The following ADAMTS2 variants were observed in gnomAD, a reference collection of about 807,000 sequenced individuals.
The protein encoded by ADAMTS2 is ADAM metallopeptidase with thrombospondin type 1 motif 2, also known as A disintegrin and metalloproteinase with thrombospondin motifs 2.
In ADAMTS2, 50 loss-of-function variants were observed where a neutral mutation model predicts 123.0. That is an observed-to-expected ratio of 0.41 (90% CI 0.32 to 0.51). The LOEUF is 0.51. Ranked by LOEUF, ADAMTS2 falls within the 20% of genes least tolerant of loss-of-function variation. The pLI is 0.35. For synonymous variants in ADAMTS2, 678 were observed against 695.4 expected (o/e 0.98, Z 0.39); for missense variants, 1,494 against 1,705.2 (o/e 0.88, Z 2.18).
At chr5:179,235,331 G>A (rs755641826) in intron 3 of ADAMTS2, among the ~76,000 whole-genome samples, 7 of 152,206 alleles carry the variant, frequency 4.6e-5, no homozygotes, top group Non-Finnish European at 8.8e-5. Context: ...AATAGACAAG[G>A]AGCAAGAATA....
Position 179,239,233 on chromosome 5 carries a change from A to G in ADAMTS2, c.689-31518T>C, listed in dbSNP as rs187048977. ...GGACAAAGGCTTGACGCAAGTGACA[A>G]CCGTGGAGATGGTGAGAAGTGATCA... On this transcript the variant is annotated intron_variant, in intron 3 of 21. Coordinates refer to ENST00000251582, the MANE Select transcript of ADAMTS2 (RefSeq NM_014244.5). Among the ~76,000 whole-genome samples the G allele has an allele frequency of 1.5e-4, 23 of 152,256 alleles. No homozygotes were observed. The East Asian group carries it at 3.7e-3, about 24-fold the overall frequency.
Position 179,158,254 on chromosome 5 carries a change from C to T in ADAMTS2, c.1132+469G>A, listed in dbSNP as rs572745312. ...TGCTGGGATTACAGGTGTGAACCACCGCGCCCGGCCTTTTGTCTCTTTTTA... is the reference window on the plus strand; with the variant it reads ...TGCTGGGATTACAGGTGTGAACCACTGCGCCCGGCCTTTTGTCTCTTTTTA... On this transcript the variant is annotated intron_variant, in intron 6 of 21. Transcript: ENST00000251582. The surrounding 1 kb of genome is among the most constrained non-coding windows in gnomAD (Gnocchi z 5.0). Among the ~76,000 whole-genome samples, 4 of 152,260 alleles carry T rather than the reference C, an allele frequency of 2.6e-5. No homozygotes were observed. The highest frequency in any genetic ancestry group is 7.2e-5 in the African/African-American group (3 of 41,556).
chr5:179,276,781 A>C lies in ADAMTS2; in HGVS notation c.535-3717T>G, dbSNP rs527686281. On this transcript the variant is annotated intron_variant, in intron 2 of 21. Coordinates refer to ENST00000251582, the MANE Select transcript of ADAMTS2 (RefSeq NM_014244.5). The stretch of plus-strand genomic sequence containing the variant: ...GCCAATTAGGGCAGGACACTGGGGC[A>C]TGAGGACCCCTTATGGCAGCTCCAT... 1.6e-4 allele frequency among the ~76,000 whole-genome samples: 24 copies of C among 152,282 alleles called. No homozygotes were observed. In the East Asian group the frequency reaches 4.6e-3, roughly 29 times the overall value.
In ADAMTS2 at chr5:179,162,694, G is replaced by GCCTA. The variant is rs1763619299; in HGVS notation, c.976-3819_976-3816dup. On this transcript the variant is annotated intron_variant, in intron 5 of 21. Coordinates refer to ENST00000251582, the MANE Select transcript of ADAMTS2 (RefSeq NM_014244.5). This position sits in a 1 kb window ranked among gnomAD's most constrained non-coding sequence, Gnocchi z 5.1. ...CTGCTTTTGATAGAATCTCAGTCCC[G>GCCTA]CCTACCGCAGGGCATGGACATTAAG... Among the ~76,000 whole-genome samples, 1 of 152,202 alleles carries GCCTA rather than the reference G, an allele frequency of 6.6e-6. No homozygotes were observed. Among genetic ancestry groups the GCCTA allele is most frequent in the Non-Finnish European group, 1.5e-5 (1 of 68,036 alleles).
At chr5:179,255,403 C>G (rs991986670) in intron 3 of ADAMTS2, among the ~76,000 whole-genome samples, 3 of 152,192 alleles carry the variant, frequency 2.0e-5, no homozygotes, top group Non-Finnish European at 4.4e-5. Context: ...ATCGGTCATG[C>G]TTGACCACAG....
intron 5 of ADAMTS2, among the ~76,000 whole-genome samples, chr5:179,168,518 T>C (rs1220687746): frequency 6.6e-6 from 1 of 152,174 alleles, no homozygotes; most frequent in Non-Finnish European, 1.5e-5. Context: ...GGTGAGGGCA[T>C]AAAGTCACAT....
At position 179,312,475 on chromosome 5, in the gene ADAMTS2, C is replaced by T. The variant is rs997179762; in HGVS notation, c.534+31292G>A. Among the ~76,000 whole-genome samples the T allele has an allele frequency of 6.6e-6, 1 of 152,156 alleles. No homozygotes were observed. The highest frequency in any genetic ancestry group is 6.5e-5 in the Admixed American group (1 of 15,268). On this transcript the variant is annotated intron_variant, in intron 2 of 21. Transcript: ENST00000251582. The surrounding 1 kb of genome is among the most constrained non-coding windows in gnomAD (Gnocchi z 4.2). ...TGCCTTCTTGAACCAGGGAGCAGACCCTCACCACAACCATATGCACAGCTT... is the reference window on the plus strand; with the variant it reads ...TGCCTTCTTGAACCAGGGAGCAGACTCTCACCACAACCATATGCACAGCTT...
At chr5:179,222,483 C>A (rs376733145) in intron 3 of ADAMTS2, among the ~76,000 whole-genome samples, 1 of 152,248 alleles carries the variant, frequency 6.6e-6, no homozygotes, top group African/African-American at 2.4e-5. Flanking sequence ...ACCCTGCCTG[C>A]AGAGAGGATG....
chr5:179,245,765 C>CAAAAAAAAAAAA lies in ADAMTS2; in HGVS notation c.688+27134_688+27145dup, dbSNP rs1171837041. On this transcript the variant is annotated intron_variant, in intron 3 of 21. Transcript: ENST00000251582. The stretch of plus-strand genomic sequence containing the variant: ...TGGGCGACAGAGCGAGACTCCGTCT[C>CAAAAAAAAAAAA]AAAAAAAAAAAAAAAAAAAAAAAAA... Among the ~76,000 whole-genome samples the CAAAAAAAAAAAA allele has an allele frequency of 1.2e-3, 20 of 17,176 alleles. 2 individuals are homozygous for CAAAAAAAAAAAA. The highest frequency in any genetic ancestry group is 1.5e-3 in the African/African-American group (9 of 5,852). The allele number at this position is 17,176 out of a possible 152,430, so 11.3% of individuals were successfully genotyped here. A position where few individuals can be genotyped will look rare whatever the true frequency, so the allele number is the denominator to read the frequency against.
chr5:179,224,417 C>T (rs1336953516), intron 3 of ADAMTS2, among the ~76,000 whole-genome samples: 1 of 152,232 alleles, frequency 6.6e-6, no homozygotes, highest in Non-Finnish European at 1.5e-5. Context: ...CCCGATGCCC[C>T]ATCTCTCTGA....
Position 179,272,889 on chromosome 5 carries a change from T to G in ADAMTS2, c.688+22A>C. ...GCCTCAGAGGGCTCTCCACACAGCCTGCCCACCTGCAGTAGCCTCACCTGT... is the reference window on the plus strand; with the variant it reads ...GCCTCAGAGGGCTCTCCACACAGCCGGCCCACCTGCAGTAGCCTCACCTGT... On this transcript the variant is annotated intron_variant, in intron 3 of 21. Transcript: ENST00000251582. This position sits in a 1 kb window ranked among gnomAD's most constrained non-coding sequence, Gnocchi z 5.8. 6.2e-7 allele frequency: 1 copy of G among 1,604,554 alleles called. No homozygotes were observed. The highest frequency in any genetic ancestry group is 8.5e-7 in the Non-Finnish European group (1 of 1,178,652).
At chr5:179,148,808 CTG>C (rs57983469) in intron 10 of ADAMTS2, among the ~76,000 whole-genome samples, 1,670 of 152,294 alleles carry the variant, frequency 0.011, 35 homozygotes, top group African/African-American at 0.037. Flanking sequence ...CACGTGGGGA[CTG>C]CAGAGGCCGC....
chr5:179,247,214 C>T (rs1458393873), intron 3 of ADAMTS2, among the ~76,000 whole-genome samples: 1 of 152,048 alleles, frequency 6.6e-6, no homozygotes, highest in Non-Finnish European at 1.5e-5. Flanking sequence ...AAAGGAACCA[C>T]AAACAATTTT....
intron 3 of ADAMTS2, among the ~76,000 whole-genome samples, chr5:179,258,276 C>T (rs370932879): frequency 2.0e-5 from 3 of 152,092 alleles, no homozygotes; most frequent in East Asian, 1.9e-4. Context: ...GACCGCCCCC[C>T]GCCAACCCAG....
At chr5:179,291,761 C>G (rs1370540672) in intron 2 of ADAMTS2, among the ~76,000 whole-genome samples, 3 of 150,824 alleles carry the variant, frequency 2.0e-5, no homozygotes, top group Admixed American at 1.3e-4. Flanking sequence ...TATTTAGAGA[C>G]AGGATCTTAC....
At position 179,307,303 on chromosome 5, in the gene ADAMTS2, G is replaced by T. The variant is rs911458506; in HGVS notation, c.535-34239C>A. On this transcript the variant is annotated intron_variant, in intron 2 of 21. Coordinates refer to ENST00000251582, the MANE Select transcript of ADAMTS2 (RefSeq NM_014244.5). The surrounding 1 kb of genome is among the most constrained non-coding windows in gnomAD (Gnocchi z 5.6). ...GGGACGGCAAGACCTGGGGCCCACA[G>T]GAGGTCCACCGGCCCTCTCAGGGCT... is the stretch of plus-strand genomic sequence containing the variant. Among the ~76,000 whole-genome samples the T allele has an allele frequency of 4.6e-5, 7 of 152,198 alleles. No individual in the cohort carries two copies. Among genetic ancestry groups the T allele is most frequent in the Non-Finnish European group, 1.0e-4 (7 of 68,034 alleles).
At chr5:179,328,183 C>T (rs112993099) in intron 2 of ADAMTS2, among the ~76,000 whole-genome samples, 5,975 of 152,274 alleles carry the variant, frequency 0.039, 406 homozygotes, top group African/African-American at 0.13. Flanking sequence ...CAGGCGCGCA[C>T]CACCACGCCC....
intron 2 of ADAMTS2, among the ~76,000 whole-genome samples, chr5:179,274,594 G>A (rs376968998): frequency 1.3e-5 from 2 of 152,234 alleles, no homozygotes; most frequent in South Asian, 4.1e-4. Flanking sequence ...TTGGTTGTGG[G>A]GGGGCACGGT....
In ADAMTS2 at chr5:179,170,050, G is replaced by A. The variant is rs1581166350; in HGVS notation, c.975+11022C>T. Reference sequence around the variant, plus strand: ...CAGTTGCTATGCAACCTCAAGTGTTGCCGATGCTCTGCTCCCTGGCTGGTG... The same window carrying A: ...CAGTTGCTATGCAACCTCAAGTGTTACCGATGCTCTGCTCCCTGGCTGGTG... On this transcript the variant is annotated intron_variant, in intron 5 of 21. Transcript: ENST00000251582. This position sits in a 1 kb window ranked among gnomAD's most constrained non-coding sequence, Gnocchi z 4.3. Among the ~76,000 whole-genome samples the A allele has an allele frequency of 6.6e-6, 1 of 152,318 alleles. No individual in the cohort carries two copies. Among genetic ancestry groups the A allele is most frequent in the South Asian group, 2.1e-4 (1 of 4,822 alleles).
Sources: allele counts gnomAD v4.1 joint callset (sites outside exome capture counted in the v4.1 genomes callset), GRCh38; gene constraint gnomAD v4.1.1; non-coding constraint Gnocchi (gnomAD v3.1); transcripts MANE v1.5; gene names NCBI Gene and HGNC (gene_info 2026-07-23, HGNC 2026-07-21).